The following LDB3 variants were observed in gnomAD, a reference collection of about 807,000 sequenced individuals.
LDB3 encodes the protein LIM domain binding 3.
In LDB3, 49 loss-of-function variants were observed where a neutral mutation model predicts 69.0. The ratio of observed to expected loss-of-function variants is 0.71; its 90% CI spans 0.56 to 0.90. The LOEUF is 0.90. Among genes scored for constraint, LDB3 ranks in the 40% least tolerant of loss-of-function variants. The pLI is 0.00. For synonymous variants in LDB3, 387 were observed against 396.2 expected (o/e 0.98, Z 0.28); for missense variants, 928 against 974.1 (o/e 0.95, Z 0.63).
At chr10:86,700,188 C>T (rs1276500792) in intron 7 of LDB3, 1 of 467,336 alleles carries the variant, frequency 2.1e-6, no homozygotes, top group African/African-American at 2.1e-5. Flanking sequence ...CACAGCGCAG[C>T]TCTGGTCCTG....
chr10:86,682,796 T>A (rs1455939988), intron 5 of LDB3, among the ~76,000 whole-genome samples: 1 of 152,198 alleles, frequency 6.6e-6, no homozygotes, highest in Non-Finnish European at 1.5e-5. Flanking sequence ...TGACACCTGG[T>A]ATCATCACTG....
chr10:86,683,777 T>C (rs974865291), intron 5 of LDB3, among the ~76,000 whole-genome samples: 2 of 152,172 alleles, frequency 1.3e-5, no homozygotes, highest in Non-Finnish European at 2.9e-5. Context: ...CCACCACCTA[T>C]GCTAAGTGGG....
intron 2 of LDB3, among the ~76,000 whole-genome samples, chr10:86,672,517 C>T (rs984830304): frequency 6.6e-6 from 1 of 152,238 alleles, no homozygotes; most frequent in East Asian, 1.9e-4. Flanking sequence ...GCACGCAGTG[C>T]TGTTTCTTGG....
chr10:86,687,303 G>C, intron 5 of LDB3: 1 of 1,604,594 alleles, frequency 6.2e-7, no homozygotes, highest in Non-Finnish European at 8.5e-7. Context: ...CCGCCACTCA[G>C]TGCCTCCAGA....
At chr10:86,694,696 G>A (rs994900308) in intron 7 of LDB3, among the ~76,000 whole-genome samples, 1 of 152,200 alleles carries the variant, frequency 6.6e-6, no homozygotes, top group Non-Finnish European at 1.5e-5. Flanking sequence ...CAGGTGCAGT[G>A]GGTGTAGCAG....
At chr10:86,712,119 CCGACGGAGTCGGGGTTG>C (rs764699294) in intron 9 of LDB3, among the ~76,000 whole-genome samples, 2 of 152,046 alleles carry the variant, frequency 1.3e-5, no homozygotes, top group South Asian at 2.1e-4. Context: ...TGCTCGCCCC[CCGACGGAGTCGGGGTTG>C]CGACGGGGGA....
rs780862904 is a variant in LDB3, at chr10:86,716,522, C to T, written c.1427C>T (p.Ala476Val). Reference protein sequence around the residue: ...APNYNPAPSVAYSGGPAEPAS... With the variant: ...APNYNPAPSVVYSGGPAEPAS... Reference sequence around the variant, plus strand: ...AACTATAACCCTGCACCCTCGGTGGCCTACAGCGGGGGCCCTGCGGAGCCT... The same window carrying T: ...AACTATAACCCTGCACCCTCGGTGGTCTACAGCGGGGGCCCTGCGGAGCCT... Residue 476 changes from alanine to valine, a missense_variant, in exon 10 of 14, where the codon GCC (alanine) becomes GTC (valine). Transcript: ENST00000361373. 7.4e-6 allele frequency: 12 copies of T among 1,613,026 alleles called. No homozygotes were observed. Among genetic ancestry groups the T allele is most frequent in the African/African-American group, 1.3e-5 (1 of 74,512 alleles).
At chr10:86,672,439 AG>A (rs1421538076) in intron 2 of LDB3, among the ~76,000 whole-genome samples, 1 of 152,204 alleles carries the variant, frequency 6.6e-6, no homozygotes. Flanking sequence ...GGGGAGAGGA[AG>A]GGGGACAGGC....
rs971231338 is a variant in LDB3 at position 86,726,433 on chromosome 10, A to G, written c.2094+181A>G. On this transcript the variant is annotated intron_variant, in intron 13 of 13. Coordinates refer to ENST00000361373, the MANE Select transcript of LDB3 (RefSeq NM_007078.3). ...ACAGTCGAACAAAGTTTCATTCCTA[A>G]TAATTATTTATAAACCAATGTGGCT... 4.7e-6 allele frequency: 3 copies of G among 639,190 alleles called. No individual in the cohort carries two copies. The African/African-American group carries it at 5.4e-5, about 12-fold the overall frequency. 39.6% of individuals were successfully genotyped at this position (639,190 alleles called of 1,614,324 possible).
Position 86,716,378 on chromosome 10 carries a change from C to A in LDB3, c.1283C>A (p.Pro428His). ...CCAGGGGCCAATTACAGTCCCACTC[C>A]CTACACCCCCTCCCCTGCCCCTGCC... Reference protein sequence around the residue: ...PSPGANYSPTPYTPSPAPAYT... With the variant: ...PSPGANYSPTHYTPSPAPAYT... The change falls in exon 10 of 14, where the codon CCC becomes CAC. Residue 428 changes from proline to histidine, a missense_variant. Transcript: ENST00000361373. 2 of 1,607,646 alleles carry A rather than the reference C, an allele frequency of 1.2e-6. No homozygotes were observed. The highest frequency in any genetic ancestry group is 1.7e-6 in the Non-Finnish European group (2 of 1,178,116).
intron 13 of LDB3, among the ~76,000 whole-genome samples, chr10:86,728,635 T>G (rs181801466): frequency 2.0e-5 from 3 of 148,190 alleles, no homozygotes; most frequent in African/African-American, 7.5e-5. Context: ...CAGGCTGGAG[T>G]GCAGTGGTGC....
At chr10:86,732,212 A>T (rs1264721297) in intron 13 of LDB3, among the ~76,000 whole-genome samples, 1 of 150,854 alleles carries the variant, frequency 6.6e-6, no homozygotes, top group Non-Finnish European at 1.5e-5. Context: ...TGTGTTTGTT[A>T]GTTTACTAAT....
chr10:86,713,065 A>ATAT (rs1846727268), intron 9 of LDB3, among the ~76,000 whole-genome samples: 1 of 148,490 alleles, frequency 6.7e-6, no homozygotes, highest in African/African-American at 2.5e-5. Context: ...CCGTCTCAAA[A>ATAT]ATATATATAT....
intron 8 of LDB3, 150 bp downstream of exon 8, chr10:86,706,869 T>A: frequency 2.5e-6 from 2 of 813,672 alleles, no homozygotes; most frequent in East Asian, 2.7e-5. Flanking sequence ...GTGCAGAGTG[T>A]GAAGGGGAAA....
chr10:86,715,282 G>GAC (rs1315953509), intron 9 of LDB3, among the ~76,000 whole-genome samples: 1 of 152,196 alleles, frequency 6.6e-6, no homozygotes, highest in Non-Finnish European at 1.5e-5. Flanking sequence ...AGGGTTGGGG[G>GAC]AATGAGGCCT....
At chr10:86,673,219 A>T (rs1465471963) in intron 2 of LDB3, among the ~76,000 whole-genome samples, 1 of 152,260 alleles carries the variant, frequency 6.6e-6, no homozygotes, top group East Asian at 1.9e-4. Flanking sequence ...GGACCTGGAC[A>T]GGAGGAAGAG....
At chr10:86,698,977 A>G (rs573224696) in intron 7 of LDB3, among the ~76,000 whole-genome samples, 1 of 152,218 alleles carries the variant, frequency 6.6e-6, no homozygotes, top group African/African-American at 2.4e-5. Context: ...CAGGGCCATT[A>G]GCCAGGTCCC....
chr10:86,669,792 C>T (rs927837911), intron 2 of LDB3, among the ~76,000 whole-genome samples: 2 of 152,206 alleles, frequency 1.3e-5, no homozygotes, highest in Non-Finnish European at 2.9e-5. Flanking sequence ...GAGGGGGAGG[C>T]CCCCAGTCTG....
intron 5 of LDB3, among the ~76,000 whole-genome samples, chr10:86,684,263 C>A (rs942919841): frequency 6.6e-6 from 1 of 152,254 alleles, no homozygotes; most frequent in Non-Finnish European, 1.5e-5. Flanking sequence ...TCATCTTCCC[C>A]AAGACCCAGG....
Sources: gnomAD v4.1 joint callset for allele counts (sites outside exome capture counted in the v4.1 genomes callset) on GRCh38, gnomAD v4.1.1 for gene constraint, MANE v1.5 for transcripts, NCBI Gene and HGNC (gene_info 2026-07-23, HGNC 2026-07-21) for gene names.